The following KATNAL2 variants were observed in gnomAD, a reference collection of about 807,000 sequenced individuals.
KATNAL2 encodes the protein katanin p60 ATPase-containing subunit A-like 2.
A neutral mutation model predicts 76.3 loss-of-function variants in KATNAL2; 52 were observed. That is an observed-to-expected ratio of 0.68 (90% CI 0.55 to 0.86). The LOEUF (loss-of-function observed/expected upper bound fraction) is 0.86. Among genes scored for constraint, KATNAL2 ranks in the 40% least tolerant of loss-of-function variants. The probability of loss-of-function intolerance (pLI) is 0.00; values close to 1 mark genes in which losing one functional copy is unlikely to be tolerated. For synonymous variants in KATNAL2, 243 were observed against 244.2 expected (o/e 1.00, Z 0.05); for missense variants, 660 against 668.9 (o/e 0.99, Z 0.15).
chr18:47,045,330 T>TTTTCTTTTCTTTTCTTTTC (rs1491241447), intron 3 of KATNAL2, among the ~76,000 whole-genome samples: 2,836 of 41,364 alleles, frequency 0.069, 18 homozygotes, highest in Non-Finnish European at 0.1. Context: ...TTTTCTTTTC[T>TTTTCTTTTCTTTTCTTTTC]TTTTTTTTTT....
intron 15 of KATNAL2, among the ~76,000 whole-genome samples, chr18:47,084,067 T>A (rs190290617): frequency 6.6e-6 from 1 of 152,246 alleles, no homozygotes; most frequent in Non-Finnish European, 1.5e-5. Context: ...ATAAAATGGT[T>A]CTGATTCACT....
intron 4 of KATNAL2, among the ~76,000 whole-genome samples, chr18:47,047,231 G>A (rs1200343521): frequency 9.9e-5 from 15 of 152,118 alleles, no homozygotes; most frequent in Admixed American, 9.8e-4. Context: ...TCAGACTTAT[G>A]CTTTTATTGC....
intron 3 of KATNAL2, among the ~76,000 whole-genome samples, chr18:47,037,851 T>A (rs933138025): frequency 3.2e-5 from 1 of 31,548 alleles, no homozygotes; most frequent in Non-Finnish European, 7.0e-5. Flanking sequence ...AGGAAAGCCA[T>A]TTTTTTTTTT....
rs8089234 is a variant in KATNAL2, at chr18:46,945,993, C to G, written c.-509-64C>G. ...GAGGATAGCTAGTCCTTTCAGAAAG[C>G]TTGCCCTGAATGGGAGAAAGGTGAT... On this transcript the variant is annotated intron_variant, in intron 1 of 17. Transcript: ENST00000683218. 264 of 156,884 alleles carry G rather than the reference C, an allele frequency of 1.7e-3. 1 individual carries two copies. The highest frequency in any genetic ancestry group is 6.2e-3 in the African/African-American group (258 of 41,310). 9.7% of individuals were successfully genotyped at this position (156,884 alleles called of 1,614,324 possible). A position where few individuals can be genotyped will look rare whatever the true frequency, so the allele number is the denominator to read the frequency against.
chr18:46,946,535 A>G lies in KATNAL2; in HGVS notation c.-31A>G, dbSNP rs536881811. The G allele has an allele frequency of 1.1e-5, 11 of 985,484 alleles. No homozygotes were observed. In the African/African-American group the frequency reaches 1.9e-4, roughly 17 times the overall value. 61.0% of individuals were successfully genotyped at this position (985,484 alleles called of 1,614,324 possible). On this transcript the variant is annotated 5_prime_UTR_variant, in exon 2 of 18. Coordinates refer to ENST00000683218, the MANE Select transcript of KATNAL2 (RefSeq NM_001387690.1). ...ACCTGAACAACGGCTGAAATCAAGG[A>G]CAAATATTATGGTACATGGCCCTGG... is the stretch of plus-strand genomic sequence containing the variant.
chr18:47,072,383 C>A (rs982492315), intron 13 of KATNAL2, among the ~76,000 whole-genome samples: 2 of 152,202 alleles, frequency 1.3e-5, no homozygotes, highest in Non-Finnish European at 2.9e-5. Context: ...AGCAGCCCTG[C>A]AGAACATTTA....
Position 47,066,979 on chromosome 18 carries a change from G to A in KATNAL2, c.727-42G>A, listed in dbSNP as rs766273349. 4 of 1,183,220 alleles carry A rather than the reference G, an allele frequency of 3.4e-6. No homozygotes were observed. In the South Asian group the frequency reaches 4.3e-5, roughly 13 times the overall value. 73.3% of individuals were successfully genotyped at this position (1,183,220 alleles called of 1,614,324 possible). ...TCCCAAGTTTATTACAGCTGTAGAG[G>A]AAAACATCAGTTTTAAAAAAATGAT... On this transcript the variant is annotated intron_variant, in intron 10 of 17. Transcript: ENST00000683218.
chr18:47,034,694 T>C lies in KATNAL2; in HGVS notation c.52-11763T>C, dbSNP rs774630345. On this transcript the variant is annotated intron_variant, in intron 3 of 17. Coordinates refer to ENST00000683218, the MANE Select transcript of KATNAL2 (RefSeq NM_001387690.1). ...TGAGTGTGGCCTCTTCCGGGTTGCT[T>C]CCCGGGCGCAGCGGGCTCAGGGCCC... 1.1e-5 allele frequency: 18 copies of C among 1,613,026 alleles called. No individual in the cohort carries two copies. The African/African-American group carries it at 1.6e-4, about 14-fold the overall frequency.
At chr18:46,943,468 G>A (rs2059303019) in intron 1 of KATNAL2, among the ~76,000 whole-genome samples, 1 of 152,136 alleles carries the variant, frequency 6.6e-6, no homozygotes, top group Non-Finnish European at 1.5e-5. Flanking sequence ...AACCAAGATG[G>A]CGATGAGAGT....
At chr18:46,959,666 C>G (rs560247178) in intron 3 of KATNAL2, among the ~76,000 whole-genome samples, 10 of 152,266 alleles carry the variant, frequency 6.6e-5, no homozygotes, top group African/African-American at 2.2e-4. Flanking sequence ...CTCCGCCTCC[C>G]AGGTTCAAGT....
intron 1 of KATNAL2, among the ~76,000 whole-genome samples, chr18:46,940,475 AG>A (rs1247817865): frequency 6.6e-6 from 1 of 152,254 alleles, no homozygotes; most frequent in African/African-American, 2.4e-5. Flanking sequence ...AAAGAATGAC[AG>A]GATACATTTT....
At chr18:47,038,412 C>G (rs1046357330) in intron 3 of KATNAL2, among the ~76,000 whole-genome samples, 3 of 152,214 alleles carry the variant, frequency 2.0e-5, no homozygotes, top group Non-Finnish European at 4.4e-5. Flanking sequence ...ATGAAACTCA[C>G]TATCCTACCT....
chr18:47,076,505 G>A (rs1471475773), intron 14 of KATNAL2: 2 of 152,004 alleles, frequency 1.3e-5, no homozygotes, highest in East Asian at 1.9e-4. Flanking sequence ...GTGCTTTGTC[G>A]AGCTCTGTCC....
intron 3 of KATNAL2, among the ~76,000 whole-genome samples, chr18:46,960,994 G>T (rs941733499): frequency 6.6e-6 from 1 of 152,134 alleles, no homozygotes; most frequent in Non-Finnish European, 1.5e-5. Flanking sequence ...ACACTAAGGG[G>T]ACCACGTTAA....
In KATNAL2 at chr18:47,077,399, G is replaced by A; in HGVS notation, c.1149G>A (p.Gln383=). ...SLRMKTELLV[Q]MDGLARSEDL... ...GGATGAAGACAGAGTTACTGGTGCA[G>A]ATGGATGGGCTGGCACGCTCAGAAG... The change falls in exon 15 of 18, where the codon CAG becomes CAA. Residue 383 remains glutamine (Q), a synonymous_variant. Transcript: ENST00000683218. 1.2e-6 allele frequency: 2 copies of A among 1,614,094 alleles called. No individual in the cohort carries two copies. The highest frequency in any genetic ancestry group is 1.7e-6 in the Non-Finnish European group (2 of 1,179,938).
intron 3 of KATNAL2, chr18:47,032,626 G>A: frequency 6.5e-6 from 2 of 306,788 alleles, no homozygotes; most frequent in East Asian, 8.3e-5. Context: ...AATGGCTTGT[G>A]TGTTTTTGTC....
chr18:46,946,956 C>T (rs2059398519), intron 3 of KATNAL2, 33 bp downstream of exon 3: 5 of 1,322,262 alleles, frequency 3.8e-6, no homozygotes, highest in Non-Finnish European at 4.2e-6. Context: ...ATGATTATAC[C>T]AAGAACCCCT....
chr18:46,949,487 T>A (rs999233811), intron 3 of KATNAL2, among the ~76,000 whole-genome samples: 4 of 152,236 alleles, frequency 2.6e-5, no homozygotes, highest in Non-Finnish European at 5.9e-5. Flanking sequence ...GCTCAAGTGA[T>A]CAGCCTGCCT....
chr18:47,084,523 T>C, intron 15 of KATNAL2: 6 of 636,118 alleles, frequency 9.4e-6, no homozygotes, highest in Non-Finnish European at 1.1e-5. Context: ...GTTCAACTGG[T>C]TTCCCCCAGC....
Sources: allele counts gnomAD v4.1 joint callset (sites outside exome capture counted in the v4.1 genomes callset), GRCh38; gene constraint gnomAD v4.1.1; transcripts MANE v1.5; gene names NCBI Gene and HGNC (gene_info 2026-07-23, HGNC 2026-07-21).